Variants in PELI1 observed in about 807,000 individuals in gnomAD.
The protein encoded by PELI1 is E3 ubiquitin-protein ligase pellino homolog 1.
Under a neutral mutation model 41.3 loss-of-function variants are expected in PELI1, and 15 were observed. The observed-to-expected ratio is 0.36, with a 90% CI of 0.24 to 0.56. The LOEUF is 0.56. Ranked by LOEUF, PELI1 falls within the 20% of genes least tolerant of loss-of-function variation. The pLI, the probability that PELI1 is intolerant of heterozygous loss-of-function variation, is 0.82. For synonymous variants in PELI1, 178 were observed against 180.1 expected (o/e 0.99, Z 0.09); for missense variants, 403 against 525.5 (o/e 0.77, Z 2.28).
intron 3 of PELI1, among the ~76,000 whole-genome samples, chr2:64,103,493 C>T (rs942977408): frequency 9.9e-5 from 15 of 151,968 alleles, no homozygotes; most frequent in African/African-American, 2.9e-4. Context: ...AAGAGCACTC[C>T]GGGGGGAGCT....
At chr2:64,138,206 G>C (rs1013766016) in intron 1 of PELI1, among the ~76,000 whole-genome samples, 3 of 152,014 alleles carry the variant, frequency 2.0e-5, no homozygotes, top group Non-Finnish European at 4.4e-5. Flanking sequence ...TGAGTAGCTG[G>C]CACTACAGGT....
intron 1 of PELI1, among the ~76,000 whole-genome samples, chr2:64,115,204 AGTG>A (rs1376017013): frequency 2.0e-5 from 3 of 152,204 alleles, no homozygotes; most frequent in Non-Finnish European, 4.4e-5. Context: ...CTAGAGCTGG[AGTG>A]GCCACAGAAG....
intron 1 of PELI1, among the ~76,000 whole-genome samples, chr2:64,134,399 C>T (rs1427230027): frequency 1.3e-5 from 2 of 152,176 alleles, no homozygotes; most frequent in Non-Finnish European, 2.9e-5. Context: ...CATCCTAGTT[C>T]CTTTGGAGAA....
intron 1 of PELI1, among the ~76,000 whole-genome samples, chr2:64,138,113 G>T (rs547238296): frequency 5.1e-4 from 77 of 150,868 alleles, no homozygotes; most frequent in African/African-American, 1.8e-3. Context: ...GTTTTGTTTT[G>T]TTTTTTTTAG....
At chr2:64,122,886 C>G (rs1371616018) in intron 1 of PELI1, among the ~76,000 whole-genome samples, 1 of 152,164 alleles carries the variant, frequency 6.6e-6, no homozygotes, top group Non-Finnish European at 1.5e-5. Context: ...AAAGAATATA[C>G]TGTGCAATTT....
chr2:64,108,410 G>A, intron 1 of PELI1, 31 bp from the exon 2 acceptor site: 3 of 735,288 alleles, frequency 4.1e-6, no homozygotes, highest in Non-Finnish European at 4.9e-6. Flanking sequence ...TTAATAATGT[G>A]AACAATTCGT....
chr2:64,099,731 A>G (rs1680361437), intron 4 of PELI1, among the ~76,000 whole-genome samples: 1 of 152,232 alleles, frequency 6.6e-6, no homozygotes, highest in Non-Finnish European at 1.5e-5. Context: ...TAAAAAGCCT[A>G]AGCTTCAGAG....
At chr2:64,113,468 A>T (rs1180882998) in intron 1 of PELI1, among the ~76,000 whole-genome samples, 1 of 152,228 alleles carries the variant, frequency 6.6e-6, no homozygotes, top group East Asian at 1.9e-4. Flanking sequence ...CACCAAGAAC[A>T]TGAAATAGCA....
intron 1 of PELI1, among the ~76,000 whole-genome samples, chr2:64,136,230 C>T (rs1401579945): frequency 6.6e-6 from 1 of 151,902 alleles, no homozygotes; most frequent in African/African-American, 2.4e-5. Context: ...TTTTAAAAGA[C>T]TTTCAGAGTT....
intron 1 of PELI1, among the ~76,000 whole-genome samples, chr2:64,114,393 T>C (rs976517453): frequency 1.3e-5 from 2 of 152,174 alleles, no homozygotes; most frequent in African/African-American, 4.8e-5. Context: ...GAGTAACACA[T>C]AGCATTTTTA....
intron 1 of PELI1, among the ~76,000 whole-genome samples, chr2:64,127,241 T>C (rs1345389808): frequency 2.6e-5 from 4 of 152,154 alleles, no homozygotes; most frequent in Non-Finnish European, 4.4e-5. Context: ...TTCCAAGCCA[T>C]TAAGAGTTTA....
chr2:64,140,904 A>G (rs1010206338), intron 1 of PELI1, among the ~76,000 whole-genome samples: 8 of 151,856 alleles, frequency 5.3e-5, no homozygotes, highest in Non-Finnish European at 1.0e-4. Context: ...GTCTAGGGAA[A>G]TATTCTATGG....
intron 1 of PELI1, among the ~76,000 whole-genome samples, chr2:64,131,326 A>T (rs1246407781): frequency 6.6e-6 from 1 of 151,712 alleles, no homozygotes; most frequent in Non-Finnish European, 1.5e-5. Flanking sequence ...ACACACATAT[A>T]TATATACACA....
At chr2:64,118,373 C>A (rs1286359733) in intron 1 of PELI1, among the ~76,000 whole-genome samples, 4 of 152,174 alleles carry the variant, frequency 2.6e-5, no homozygotes, top group African/African-American at 9.7e-5. Flanking sequence ...AGAATGAATA[C>A]TGCCTTCTCA....
chr2:64,134,351 C>T (rs1028622388), intron 1 of PELI1, among the ~76,000 whole-genome samples: 1 of 152,144 alleles, frequency 6.6e-6, no homozygotes, highest in Non-Finnish European at 1.5e-5. Context: ...AATGAAGTTA[C>T]AGATCTGCTC....
At chr2:64,108,134 G>C in intron 2 of PELI1, 106 bp downstream of exon 2, 1 of 641,128 alleles carries the variant, frequency 1.6e-6, no homozygotes, top group Non-Finnish European at 2.8e-6. Context: ...ATTCTTTTTG[G>C]AAGCAGGTAA....
intron 3 of PELI1, among the ~76,000 whole-genome samples, chr2:64,104,289 G>A (rs949130893): frequency 1.3e-5 from 2 of 151,920 alleles, no homozygotes; most frequent in African/African-American, 4.9e-5. Context: ...TCATCCAAAT[G>A]TGCTTCTAAT....
chr2:64,095,316 T>C (rs746866881), intron 6 of PELI1, 48 bp from the exon 7 acceptor site: 6 of 1,350,264 alleles, frequency 4.4e-6, no homozygotes, highest in Non-Finnish European at 6.3e-6. Context: ...CTGTTTTGGA[T>C]TTTTACATAA....
chr2:64,137,725 T>A (rs529633984), intron 1 of PELI1, among the ~76,000 whole-genome samples: 17 of 152,316 alleles, frequency 1.1e-4, no homozygotes, highest in African/African-American at 4.1e-4. Context: ...ATTTTCTTTC[T>A]GTCAAGATCC....
Sources: allele counts gnomAD v4.1 joint callset (sites outside exome capture counted in the v4.1 genomes callset), GRCh38; gene constraint gnomAD v4.1.1; transcripts MANE v1.5; gene names NCBI Gene and HGNC (gene_info 2026-07-23, HGNC 2026-07-21).